The following PLEKHD1 variants were observed in gnomAD, a reference collection of about 807,000 sequenced individuals.
PLEKHD1 encodes pleckstrin homology and coiled-coil domain containing D1.
Under a neutral mutation model 69.2 loss-of-function variants are expected in PLEKHD1, and 51 were observed. That is an observed-to-expected ratio of 0.74 (90% confidence interval 0.59 to 0.93). The LOEUF (loss-of-function observed/expected upper bound fraction) is 0.93, where lower values mean the gene tolerates loss of function less well. Ranked by LOEUF, PLEKHD1 falls within the 40% of genes least tolerant of loss-of-function variation. The pLI, the probability that PLEKHD1 is intolerant of heterozygous loss-of-function variation, is 0.00. For missense variants in PLEKHD1, 584 were observed against 641.0 expected (o/e 0.91, Z 0.96); for synonymous variants, 236 against 244.7 (o/e 0.96, Z 0.33).
chr14:69,526,680 C>A lies in PLEKHD1; in HGVS notation c.924-17C>A. ...TGGCGAGTGAGCATTGAGAAAGTGC[C>A]TCTTCTGTCCCTACAGGATGAAGGA... On this transcript the variant is annotated splice_polypyrimidine_tract_variant and intron_variant, in intron 9 of 12. Coordinates refer to ENST00000322564, the MANE Select transcript of PLEKHD1 (RefSeq NM_001161498.2). 1 of 1,474,268 alleles carries A rather than the reference C, an allele frequency of 6.8e-7. No homozygotes were observed. 91.3% of individuals were successfully genotyped at this position (1,474,268 alleles called of 1,614,324 possible). A position where few individuals can be genotyped will look rare whatever the true frequency, so the allele number is the denominator to read the frequency against.
In PLEKHD1 at chr14:69,528,318, GC is replaced by G; in HGVS notation, c.1422del (p.Lys475SerfsTer121). The G allele has an allele frequency of 6.4e-7, 1 of 1,551,720 alleles. No homozygotes were observed. Among genetic ancestry groups the G allele is most frequent in the Non-Finnish European group, 8.7e-7 (1 of 1,146,990 alleles). ...ANNMEELKEV[A>X]KRLSRDQRFR... The stretch of plus-strand genomic sequence containing the variant: ...CAACATGGAGGAGCTAAAGGAGGTG[GC>G]CAAGCGGCTCAGCAGGGACCAGCGC... On this transcript the variant is annotated frameshift_variant, in exon 13 of 13. Coordinates refer to ENST00000322564, the MANE Select transcript of PLEKHD1 (RefSeq NM_001161498.2). LOFTEE classifies it high-confidence loss of function.
chr14:69,491,758 G>T (rs553002522), intron 1 of PLEKHD1, among the ~76,000 whole-genome samples: 10 of 152,110 alleles, frequency 6.6e-5, no homozygotes, highest in African/African-American at 2.4e-4. Context: ...CACTGGGGAG[G>T]GGGGCAGAAG....
chr14:69,490,332 A>G (rs1375425731), intron 1 of PLEKHD1, among the ~76,000 whole-genome samples: 1 of 152,190 alleles, frequency 6.6e-6, no homozygotes, highest in Admixed American at 6.5e-5. Flanking sequence ...AATTTACAAA[A>G]GGGTTGGTGC....
rs1208619336 is a variant in PLEKHD1, at chr14:69,522,449, C to T, written c.650+72C>T. 25 of 1,459,282 alleles carry T rather than the reference C, an allele frequency of 1.7e-5. No homozygotes were observed. In the East Asian group the frequency reaches 5.7e-4, roughly 33 times the overall value. 90.4% of individuals were successfully genotyped at this position (1,459,282 alleles called of 1,614,324 possible). A position where few individuals can be genotyped will look rare whatever the true frequency, so the allele number is the denominator to read the frequency against. On this transcript the variant is annotated intron_variant, in intron 7 of 12. Coordinates refer to ENST00000322564, the MANE Select transcript of PLEKHD1 (RefSeq NM_001161498.2). ...GCAGAGCCCACCTTCCCCGTCAGAT[C>T]TGAGGAGGCCTCCACCTCAGAGATG... is the stretch of plus-strand genomic sequence containing the variant.
At position 69,500,158 on chromosome 14, in the gene PLEKHD1, A is replaced by G; in HGVS notation, c.193A>G (p.Ser65Gly). 2 of 1,550,956 alleles carry G rather than the reference A, an allele frequency of 1.3e-6. No homozygotes were observed. The highest frequency in any genetic ancestry group is 2.4e-5 in the South Asian group (2 of 84,032). ...GAGCTTTCTGCTTTACTACTCTGAGAGCGAAAAAAAGAGCTTTGAAACCAA... is the reference window on the plus strand; with the variant it reads ...GAGCTTTCTGCTTTACTACTCTGAGGGCGAAAAAAAGAGCTTTGAAACCAA... The part of the protein sequence containing the change: ...KESFLLYYSE[S>G]EKKSFETNKY... The change falls in exon 2 of 13, where the codon AGC (serine) becomes GGC (glycine). Residue 65 changes from serine to glycine, a missense_variant. Ser to Gly is a moderately conservative substitution (Grantham distance 56). Transcript: ENST00000322564.
the PLEKHD1 span, among the ~76,000 whole-genome samples, chr14:69,471,058 T>G: frequency 7.0e-6 from 1 of 142,040 alleles, no homozygotes; most frequent in Non-Finnish European, 1.5e-5. Context: ...CCCAAAGGCC[T>G]GGGATTACAG....
At chr14:69,499,225 GCACACACACACACACA>G (rs10551303) in intron 1 of PLEKHD1, among the ~76,000 whole-genome samples, 37 of 144,308 alleles carry the variant, frequency 2.6e-4, no homozygotes, top group African/African-American at 4.6e-4. Context: ...TCTCATACGT[GCACACACACACACACA>G]CACACACACA....
At position 69,484,743 on chromosome 14, in the gene PLEKHD1, C is replaced by A; in HGVS notation, c.-223C>A. 1 of 515,302 alleles carries A rather than the reference C, an allele frequency of 1.9e-6. No individual in the cohort carries two copies. The allele number at this position is 515,302 out of a possible 1,614,324, so 31.9% of individuals were successfully genotyped here. On this transcript the variant is annotated 5_prime_UTR_variant, in exon 1 of 13. Transcript: ENST00000322564. ...CCCTCCCCGCGGAGTTCCCGCCCGG[C>A]CCTCTGCAATCCGGAGCCCAAGCCG...
intron 1 of PLEKHD1, among the ~76,000 whole-genome samples, chr14:69,495,957 A>G (rs751859837): frequency 6.6e-5 from 10 of 152,242 alleles, no homozygotes; most frequent in Non-Finnish European, 7.3e-5. Flanking sequence ...CTAAGGAGAC[A>G]GGGATTTTTG....
intron 1 of PLEKHD1, among the ~76,000 whole-genome samples, chr14:69,495,521 T>A (rs1428528501): frequency 6.6e-6 from 1 of 152,204 alleles, no homozygotes; most frequent in Non-Finnish European, 1.5e-5. Flanking sequence ...ATTTCTCTCA[T>A]AGCATCATTG....
intron 6 of PLEKHD1, among the ~76,000 whole-genome samples, chr14:69,509,852 C>T (rs1883232140): frequency 6.6e-6 from 1 of 151,922 alleles, no homozygotes; most frequent in African/African-American, 2.4e-5. Context: ...GCAGGAGAAT[C>T]ACTTGAACCC....
chr14:69,524,559 C>T (rs1566565999), intron 8 of PLEKHD1, among the ~76,000 whole-genome samples: 1 of 152,138 alleles, frequency 6.6e-6, no homozygotes, highest in Non-Finnish European at 1.5e-5. Flanking sequence ...CAGGCTTGTC[C>T]TTGCTATTAC....
chr14:69,512,998 G>A (rs1324539083), intron 6 of PLEKHD1, among the ~76,000 whole-genome samples: 1 of 152,082 alleles, frequency 6.6e-6, no homozygotes, highest in Admixed American at 6.6e-5. Flanking sequence ...GCTGAGGCAG[G>A]AGGATTACTT....
chr14:69,520,665 G>T (rs540025204), intron 6 of PLEKHD1, among the ~76,000 whole-genome samples: 1 of 152,020 alleles, frequency 6.6e-6, no homozygotes. Context: ...GGAGGCAGAG[G>T]TTGCAGTGAG....
chr14:69,522,587 G>T (rs1883542545), intron 7 of PLEKHD1, among the ~76,000 whole-genome samples: 1 of 152,074 alleles, frequency 6.6e-6, no homozygotes, highest in Admixed American at 6.6e-5. Flanking sequence ...CCAGATAAAT[G>T]GGGTCATTTC....
intron 1 of PLEKHD1, among the ~76,000 whole-genome samples, chr14:69,494,062 T>C (rs1882834292): frequency 6.6e-6 from 1 of 151,998 alleles, no homozygotes; most frequent in Admixed American, 6.6e-5. Context: ...GAAAAGGAGG[T>C]CAGGGGAGAG....
chr14:69,514,564 T>C (rs953908876), intron 6 of PLEKHD1, among the ~76,000 whole-genome samples: 1 of 151,696 alleles, frequency 6.6e-6, no homozygotes, highest in Non-Finnish European at 1.5e-5. Context: ...TCCTGCCATA[T>C]CTAATCTGGT....
At chr14:69,492,455 C>T (rs1300454913) in intron 1 of PLEKHD1, among the ~76,000 whole-genome samples, 2 of 152,212 alleles carry the variant, frequency 1.3e-5, no homozygotes, top group Non-Finnish European at 2.9e-5. Context: ...GCAGTCTACT[C>T]TCCTGGTGTG....
chr14:69,522,262 C>T, intron 6 of PLEKHD1, 21 bp from the exon 7 acceptor site: 1 of 1,550,372 alleles, frequency 6.5e-7, no homozygotes, highest in Non-Finnish European at 8.7e-7. Flanking sequence ...TGACTCTTCT[C>T]TTCCTCTCTG....
Sources: allele counts gnomAD v4.1 joint callset (sites outside exome capture counted in the v4.1 genomes callset), GRCh38; gene constraint gnomAD v4.1.1; transcripts MANE v1.5; gene names NCBI Gene and HGNC (gene_info 2026-07-23, HGNC 2026-07-21).